The following HABP2 variants were observed in gnomAD, a reference collection of about 807,000 sequenced individuals.
HABP2 encodes the protein factor VII-activating protease.
In HABP2, 65 loss-of-function variants were observed where a neutral mutation model predicts 66.5. That is an observed-to-expected ratio of 0.98 (90% CI 0.80 to 1.20). The LOEUF (loss-of-function observed/expected upper bound fraction) is 1.20. Among genes scored for constraint, HABP2 ranks in the 50% most tolerant of loss-of-function variants. The probability of loss-of-function intolerance (pLI) is 0.00; values close to 1 mark genes in which losing one functional copy is unlikely to be tolerated. For missense variants in HABP2, 786 were observed against 691.0 expected, an observed-to-expected ratio of 1.14 and a Z score of -1.54; for synonymous variants, 263 against 253.9, an observed-to-expected ratio of 1.04 and a Z score of -0.34.
At chr10:113,578,300 CT>C (rs1845452116) in intron 6 of HABP2, among the ~76,000 whole-genome samples, 155 bp downstream of exon 6, 1 of 152,126 alleles carries the variant, frequency 6.6e-6, no homozygotes, top group African/African-American at 2.4e-5. Flanking sequence ...GTCTGGCTTC[CT>C]GTAAAGAAAG....
At chr10:113,567,103 A>T (rs879687434) in intron 1 of HABP2, among the ~76,000 whole-genome samples, 2 of 152,162 alleles carry the variant, frequency 1.3e-5, no homozygotes, top group Non-Finnish European at 2.9e-5. Context: ...GGCTGATGCA[A>T]GCCTCTTCAT....
intron 10 of HABP2, among the ~76,000 whole-genome samples, chr10:113,583,705 C>T (rs1592700848): frequency 1.3e-5 from 2 of 152,206 alleles, no homozygotes; most frequent in East Asian, 3.8e-4. Context: ...GCACAACTCT[C>T]AGCTTCCTAT....
Position 113,584,296 on chromosome 10 carries a change from G to A in HABP2, c.1372+14G>A. 5 of 1,612,164 alleles carry A rather than the reference G, an allele frequency of 3.1e-6. No individual in the cohort carries two copies. The highest frequency in any genetic ancestry group is 4.2e-6 in the Non-Finnish European group (5 of 1,178,234). On this transcript the variant is annotated intron_variant, in intron 11 of 12. Coordinates refer to ENST00000351270, the MANE Select transcript of HABP2 (RefSeq NM_004132.5). ...TTACAGAAACAGGTGAGTCGGCCAT[G>A]CACTCTCCCATGACTTAGGTGAACT...
intron 8 of HABP2, among the ~76,000 whole-genome samples, 157 bp downstream of exon 8, chr10:113,580,849 C>T (rs1268059144): frequency 7.2e-5 from 11 of 152,234 alleles, no homozygotes; most frequent in African/African-American, 2.7e-4. Context: ...CAACTGTCTG[C>T]ACCCACCAGG....
intron 9 of HABP2, 27 bp downstream of exon 9, chr10:113,582,158 G>C (rs775191810): frequency 6.3e-7 from 1 of 1,583,580 alleles, no homozygotes; most frequent in Admixed American, 1.8e-5. Context: ...GCAGGGACCA[G>C]GGTGGCTTGA....
intron 1 of HABP2, among the ~76,000 whole-genome samples, chr10:113,561,830 T>C (rs1375139535): frequency 6.6e-6 from 1 of 152,158 alleles, no homozygotes; most frequent in African/African-American, 2.4e-5. Flanking sequence ...AGAGGAAGAA[T>C]CTTAGTTGAA....
In HABP2 at chr10:113,582,129, C is replaced by G; in HGVS notation, c.1092C>G (p.Thr364=). The G allele has an allele frequency of 6.2e-7, 1 of 1,601,676 alleles. No individual in the cohort carries two copies. The highest frequency in any genetic ancestry group is 8.5e-7 in the Non-Finnish European group (1 of 1,178,668). ...PCWVLTAAHC[T]DIKTRHLKVV... ...GGGTGCTCACTGCTGCCCACTGCAC[C>G]GAGTAGGTGCCGCTGGGAGCAGGGA... The change falls in exon 9 of 13, where the codon ACC becomes ACG. Residue 364 remains threonine, a splice_region_variant and synonymous_variant. Coordinates refer to ENST00000351270, the MANE Select transcript of HABP2 (RefSeq NM_004132.5).
chr10:113,579,474 G>A lies in HABP2; in HGVS notation c.740+676G>A, dbSNP rs11575762. Among the ~76,000 whole-genome samples, 1,269 of 152,292 alleles carry A rather than the reference G, an allele frequency of 8.3e-3. 15 individuals carry two copies. The highest frequency in any genetic ancestry group is 0.029 in the African/African-American group (1,189 of 41,574). ...CTTTGTTGGTCAGAAATAATCACAT[G>A]AGCCCACGTAACTTCTAGGCAGAGA... On this transcript the variant is annotated intron_variant, in intron 7 of 12. Transcript: ENST00000351270.
intron 8 of HABP2, among the ~76,000 whole-genome samples, chr10:113,581,360 A>G (rs975625021): frequency 1.3e-5 from 2 of 152,204 alleles, no homozygotes; most frequent in African/African-American, 4.8e-5. Context: ...AGGACAAGGC[A>G]CCACCTATAC....
At chr10:113,556,302 A>C (rs74159435) in intron 1 of HABP2, among the ~76,000 whole-genome samples, 174 of 152,308 alleles carry the variant, frequency 1.1e-3, no homozygotes, top group African/African-American at 4.0e-3. Context: ...GGAACACAGA[A>C]CATTTCCCAT....
rs112990122 is a variant in HABP2, at chr10:113,588,827, A to G, written c.*458A>G. 2 of 669,972 alleles carry G rather than the reference A, an allele frequency of 3.0e-6. No homozygotes were observed. The highest frequency in any genetic ancestry group is 3.6e-5 in the African/African-American group (2 of 55,502). 41.5% of individuals were successfully genotyped at this position (669,972 alleles called of 1,614,324 possible). Reference sequence around the variant, plus strand: ...GAGGACCACAAATACAACATTCTCCATCTGCTTTCAGAGTTATTATTTTAA... The same window carrying G: ...GAGGACCACAAATACAACATTCTCCGTCTGCTTTCAGAGTTATTATTTTAA... On this transcript the variant is annotated 3_prime_UTR_variant, in exon 13 of 13. Transcript: ENST00000351270.
chr10:113,570,680 T>C (rs1230708559), intron 2 of HABP2, among the ~76,000 whole-genome samples: 1 of 152,254 alleles, frequency 6.6e-6, no homozygotes, highest in African/African-American at 2.4e-5. Flanking sequence ...ACCCATTTCT[T>C]ACACAGTTTC....
chr10:113,572,728 A>G (rs945869971), intron 2 of HABP2: 1 of 453,804 alleles, frequency 2.2e-6, no homozygotes, highest in Non-Finnish European at 4.4e-6. Flanking sequence ...TCAGCCCTAA[A>G]AAGGTGGCCT....
At position 113,577,102 on chromosome 10, in the gene HABP2, A is replaced by G. The variant is rs764131023; in HGVS notation, c.332-48A>G. On this transcript the variant is annotated intron_variant, in intron 4 of 12. Transcript: ENST00000351270. ...CATTGTTTTATACATGTATCCCTCT[A>G]AGGAAAATGTGCCCCAAATAATGTC... 5 of 1,031,600 alleles carry G rather than the reference A, an allele frequency of 4.8e-6. No individual in the cohort carries two copies. The South Asian group carries it at 5.1e-5, about 10-fold the overall frequency. The allele number at this position is 1,031,600 out of a possible 1,614,324, so 63.9% of individuals were successfully genotyped here. A position where few individuals can be genotyped will look rare whatever the true frequency, so the allele number is the denominator to read the frequency against.
intron 2 of HABP2, among the ~76,000 whole-genome samples, chr10:113,567,866 G>A (rs529012265): frequency 2.0e-4 from 31 of 152,322 alleles, no homozygotes; most frequent in African/African-American, 7.5e-4. Flanking sequence ...GAGGTGAAAG[G>A]CTGAGGCAAA....
chr10:113,564,576 G>C (rs2133752001), intron 1 of HABP2, among the ~76,000 whole-genome samples: 1 of 152,230 alleles, frequency 6.6e-6, no homozygotes, highest in East Asian at 1.9e-4. Context: ...ATTAGACAGA[G>C]GCACAGTCCC....
At chr10:113,569,195 G>T (rs1845257317) in intron 2 of HABP2, among the ~76,000 whole-genome samples, 1 of 152,184 alleles carries the variant, frequency 6.6e-6, no homozygotes, top group African/African-American at 2.4e-5. Flanking sequence ...CTCTTATAGG[G>T]AGTGAAGAGT....
intron 2 of HABP2, among the ~76,000 whole-genome samples, chr10:113,571,266 CTCTTA>C (rs1329397401): frequency 6.6e-6 from 1 of 152,142 alleles, no homozygotes; most frequent in Non-Finnish European, 1.5e-5. Flanking sequence ...ATTGGCTGGC[CTCTTA>C]TCTTGCTGAA....
chr10:113,578,584 C>T (rs1845457809), intron 6 of HABP2, 43 bp from the exon 7 acceptor site: 9 of 1,472,360 alleles, frequency 6.1e-6, no homozygotes, highest in Admixed American at 1.8e-5. Flanking sequence ...GAGTGGCATG[C>T]CAATGGCTGT....
Sources: gnomAD v4.1 joint callset for allele counts (sites outside exome capture counted in the v4.1 genomes callset) on GRCh38, gnomAD v4.1.1 for gene constraint, MANE v1.5 for transcripts, NCBI Gene and HGNC (gene_info 2026-07-23, HGNC 2026-07-21) for gene names.